ARHGEF18: variants seen among roughly 807,000 people sequenced by gnomAD.
ARHGEF18 encodes Rho/Rac guanine nucleotide exchange factor 18.
Under a neutral mutation model 155.7 loss-of-function variants are expected in ARHGEF18, and 93 were observed. That is an observed-to-expected ratio of 0.60 (90% CI 0.50 to 0.71). The LOEUF (loss-of-function observed/expected upper bound fraction) is 0.71, where lower values mean the gene tolerates loss of function less well. Ranked by LOEUF, ARHGEF18 falls within the 30% of genes least tolerant of loss-of-function variation. ARHGEF18 has a pLI of 0.00. For synonymous variants in ARHGEF18, 742 were observed against 753.1 expected, an observed-to-expected ratio of 0.99 and a Z score of 0.24; for missense variants, 1,593 against 1,816.1, an observed-to-expected ratio of 0.88 and a Z score of 2.23.
At chr19:7,422,725 T>TC (rs1460822464) in intron 10 of ARHGEF18, among the ~76,000 whole-genome samples, 1 of 146,804 alleles carries the variant, frequency 6.8e-6, no homozygotes, top group East Asian at 2.0e-4. Context: ...TCTTTTTTTT[T>TC]TTTTTTTTTT....
At chr19:7,458,296 TTAAAAAAA>T (rs1975976378) in intron 18 of ARHGEF18, among the ~76,000 whole-genome samples, 3 of 110,068 alleles carry the variant, frequency 2.7e-5, no homozygotes, top group South Asian at 6.8e-4. Context: ...CCAAGATAGT[TTAAAAAAA>T]AAAAAAAAAA....
At chr19:7,408,134 C>T (rs1329602187) in intron 10 of ARHGEF18, among the ~76,000 whole-genome samples, 1 of 151,980 alleles carries the variant, frequency 6.6e-6, no homozygotes, top group East Asian at 1.9e-4. Flanking sequence ...CAAAAATTAT[C>T]CAGGCATTGT....
At chr19:7,413,289 A>G (rs902931281) in intron 10 of ARHGEF18, among the ~76,000 whole-genome samples, 6 of 144,574 alleles carry the variant, frequency 4.2e-5, no homozygotes, top group Non-Finnish European at 9.1e-5. Flanking sequence ...ACAAAAAACA[A>G]AAAGCTTTTT....
intron 10 of ARHGEF18, among the ~76,000 whole-genome samples, chr19:7,420,247 C>T (rs1328025638): frequency 6.6e-6 from 1 of 152,040 alleles, no homozygotes; most frequent in Non-Finnish European, 1.5e-5. Flanking sequence ...CAGGTGTATG[C>T]CACCACGGCC....
At chr19:7,380,824 G>A in intron 7 of ARHGEF18, 93 bp from the exon 8 acceptor site, 1 of 767,690 alleles carries the variant, frequency 1.3e-6, no homozygotes, top group Non-Finnish European at 1.8e-6. Context: ...CTTAGACGGG[G>A]TACCTGGTGT....
Position 7,362,904 on chromosome 19 carries a change from AG to A in ARHGEF18, c.15+1del, listed in dbSNP as rs1404582942. 2.3e-5 allele frequency: 28 copies of A among 1,234,278 alleles called. No individual in the cohort carries two copies. Among genetic ancestry groups the A allele is most frequent in the Non-Finnish European group, 2.4e-5 (24 of 988,176 alleles). The allele number at this position is 1,234,278 out of a possible 1,614,324, so 76.5% of individuals were successfully genotyped here. Reference sequence around the variant, plus strand: ...TTCTTCTCTGCCATGGGGGATGATCAGGCAGGTGTCTGACTGCTGAAACGGG... The same window carrying A: ...TTCTTCTCTGCCATGGGGGATGATCAGCAGGTGTCTGACTGCTGAAACGGG... MGDDQEDDFPRRLSE... is the reference protein window; with the variant it reads MGDDXEDDFPRRLSE... On this transcript the variant is annotated frameshift_variant and splice_region_variant, in exon 2 of 29. Transcript: ENST00000668164. LOFTEE classifies it high-confidence loss of function.
chr19:7,467,182 G>A, intron 25 of ARHGEF18, 32 bp from the exon 26 acceptor site: 1 of 1,578,430 alleles, frequency 6.3e-7, no homozygotes, highest in African/African-American at 1.3e-5. Flanking sequence ...CGCAGGTGCG[G>A]CTCTCACTCG....
rs569095229 is a variant in ARHGEF18 at position 7,390,152 on chromosome 19, G to A, written c.967+6949G>A. Among the ~76,000 whole-genome samples the A allele has an allele frequency of 2.6e-5, 4 of 152,220 alleles. No individual in the cohort carries two copies. In the South Asian group the frequency reaches 8.3e-4, roughly 32 times the overall value. ...TCAAAGCTACAGTTAGCTATGATTTGCCACTGCCCTCTAGCCTGTGCCACA... is the reference window on the plus strand; with the variant it reads ...TCAAAGCTACAGTTAGCTATGATTTACCACTGCCCTCTAGCCTGTGCCACA... On this transcript the variant is annotated intron_variant, in intron 10 of 28. Transcript: ENST00000668164.
At chr19:7,474,141 C>T (rs1977158591), downstream of ARHGEF18, among the ~76,000 whole-genome samples, 1 of 151,922 alleles carries the variant, frequency 6.6e-6, no homozygotes, top group Non-Finnish European at 1.5e-5. Context: ...GAGTTTGAGA[C>T]CAGCCTGGCC....
chr19:7,411,923 G>C (rs546438289), intron 10 of ARHGEF18, among the ~76,000 whole-genome samples: 1 of 152,268 alleles, frequency 6.6e-6, no homozygotes, highest in South Asian at 2.1e-4. Context: ...CTGTGTGTCA[G>C]AACTTCCTTC....
chr19:7,452,693 C>T (rs976443518), intron 16 of ARHGEF18, among the ~76,000 whole-genome samples: 1 of 151,324 alleles, frequency 6.6e-6, no homozygotes, highest in East Asian at 2.0e-4. Flanking sequence ...CTTGAACTCC[C>T]GACCTCAGGT....
intron 10 of ARHGEF18, among the ~76,000 whole-genome samples, chr19:7,412,130 G>A (rs1053740113): frequency 2.9e-4 from 44 of 151,428 alleles, no homozygotes; most frequent in Non-Finnish European, 8.8e-5. Context: ...CTGCCTCCCG[G>A]GTTCAAGCAA....
At chr19:7,371,979 T>C (rs556396666) in intron 2 of ARHGEF18, among the ~76,000 whole-genome samples, 1 of 152,246 alleles carries the variant, frequency 6.6e-6, no homozygotes, top group East Asian at 1.9e-4. Context: ...AAGACAAGTG[T>C]GGACACTGGC....
chr19:7,406,558 G>A (rs1972319064), intron 10 of ARHGEF18, among the ~76,000 whole-genome samples: 1 of 152,106 alleles, frequency 6.6e-6, no homozygotes. Flanking sequence ...AAACACAAAA[G>A]TGTTATAGAT....
chr19:7,473,676 G>A (rs750601915), downstream of ARHGEF18, among the ~76,000 whole-genome samples: 4 of 152,066 alleles, frequency 2.6e-5, no homozygotes, highest in Non-Finnish European at 5.9e-5. Flanking sequence ...CGGGCGTGGT[G>A]GCGGGCGCCT....
intron 18 of ARHGEF18, among the ~76,000 whole-genome samples, chr19:7,458,131 A>G (rs1231013571): frequency 3.3e-5 from 5 of 151,730 alleles, no homozygotes; most frequent in Non-Finnish European, 5.9e-5. Context: ...TACAAAAAAT[A>G]CAAAAATTAG....
chr19:7,374,407 T>A (rs2145409124), intron 3 of ARHGEF18, among the ~76,000 whole-genome samples: 1 of 152,200 alleles, frequency 6.6e-6, no homozygotes, highest in Non-Finnish European at 1.5e-5. Context: ...CCGGGCGCGG[T>A]GGCTCACACC....
intron 8 of ARHGEF18, among the ~76,000 whole-genome samples, chr19:7,381,926 G>C (rs968354381): frequency 6.6e-5 from 10 of 152,112 alleles, no homozygotes; most frequent in African/African-American, 2.4e-4. Context: ...ACTGGGATCT[G>C]GGGGCACAGA....
intron 10 of ARHGEF18, among the ~76,000 whole-genome samples, chr19:7,426,834 G>A (rs950347168): frequency 1.3e-5 from 2 of 152,140 alleles, no homozygotes; most frequent in Non-Finnish European, 2.9e-5. Flanking sequence ...GAAAAGTGGC[G>A]TCGATTGGTT....
Sources: gnomAD v4.1 joint callset for allele counts (sites outside exome capture counted in the v4.1 genomes callset) on GRCh38, gnomAD v4.1.1 for gene constraint, MANE v1.5 for transcripts, NCBI Gene and HGNC (gene_info 2026-07-23, HGNC 2026-07-21) for gene names.